Variants in FOXK1 observed in about 807,000 individuals in gnomAD.
FOXK1 encodes the protein forkhead box protein K1.
FOXK1 carries 19 observed loss-of-function variants against 51.9 expected under a neutral mutation model. That is an observed-to-expected ratio of 0.37 (90% CI 0.26 to 0.54). The LOEUF (loss-of-function observed/expected upper bound fraction) is 0.54, where lower values mean the gene tolerates loss of function less well. Ranked by LOEUF, FOXK1 falls within the 20% of genes least tolerant of loss-of-function variation. The pLI is 0.87. For synonymous variants in FOXK1, 537 were observed against 482.6 expected (o/e 1.11, Z -1.48); for missense variants, 870 against 1,032.7 (o/e 0.84, Z 2.16).
chr7:4,715,942 C>T lies in FOXK1; in HGVS notation c.561-24896C>T, dbSNP rs1046830425. Among the ~76,000 whole-genome samples the T allele has an allele frequency of 9.8e-5, 15 of 152,288 alleles. No homozygotes were observed. The highest frequency in any genetic ancestry group is 2.9e-4 in the African/African-American group (12 of 41,558). Reference sequence around the variant, plus strand: ...GTCTGTGCTTAAAGGATCAAAAATGCAGACCTCAGTCAGGCGCAGTGGTTC... The same window carrying T: ...GTCTGTGCTTAAAGGATCAAAAATGTAGACCTCAGTCAGGCGCAGTGGTTC... On this transcript the variant is annotated intron_variant, in intron 1 of 8. Coordinates refer to ENST00000328914, the MANE Select transcript of FOXK1 (RefSeq NM_001037165.2). The surrounding 1 kb of genome is among the most constrained non-coding windows in gnomAD (Gnocchi z 4.5).
At chr7:4,713,625 G>T (rs1286486672) in intron 1 of FOXK1, among the ~76,000 whole-genome samples, 2 of 151,446 alleles carry the variant, frequency 1.3e-5, no homozygotes, top group Non-Finnish European at 2.9e-5. Context: ...CCGAGTTGCT[G>T]GGATTACAAG....
chr7:4,687,805 TTGAG>T (rs1779840417), intron 1 of FOXK1, among the ~76,000 whole-genome samples: 1 of 152,230 alleles, frequency 6.6e-6, no homozygotes, highest in Non-Finnish European at 1.5e-5. Context: ...TGTGGTAACT[TTGAG>T]TGGTAAGATT....
intron 1 of FOXK1, among the ~76,000 whole-genome samples, chr7:4,717,847 G>A (rs546349504): frequency 3.9e-5 from 6 of 152,270 alleles, no homozygotes; most frequent in South Asian, 2.1e-4. Context: ...ACCGACCACC[G>A]CCGTGTGTTG....
At position 4,755,229 on chromosome 7, in the gene FOXK1, C is replaced by T. The variant is rs1371071628; in HGVS notation, c.904-8C>T. The T allele has an allele frequency of 6.2e-7, 1 of 1,613,268 alleles. No individual in the cohort carries two copies. ...GGAGCTCATCCCGTGAGCCGTGTTT[C>T]TCCGCAGGATGAGTCAAAGCCGCCG... On this transcript the variant is annotated splice_region_variant and splice_polypyrimidine_tract_variant and intron_variant, in intron 3 of 8. Coordinates refer to ENST00000328914, the MANE Select transcript of FOXK1 (RefSeq NM_001037165.2). This position sits in a 1 kb window ranked among gnomAD's most constrained non-coding sequence, Gnocchi z 6.6.
Position 4,743,823 on chromosome 7 carries a change from G to A in FOXK1, c.746+2800G>A, listed in dbSNP as rs183341196. ...GAGGAAGGGCTAGGCCAGCGCCCCC[G>A]CCTTAGCCTGGGAGTGGGTTATTAA... On this transcript the variant is annotated intron_variant, in intron 2 of 8. Transcript: ENST00000328914. This position sits in a 1 kb window ranked among gnomAD's most constrained non-coding sequence, Gnocchi z 5.3. Among the ~76,000 whole-genome samples, 480 of 152,178 alleles carry A rather than the reference G, an allele frequency of 3.2e-3. 2 individuals are homozygous for A. The highest frequency in any genetic ancestry group is 0.011 in the African/African-American group (461 of 41,502).
chr7:4,683,328 G>A lies in FOXK1; in HGVS notation c.560+460G>A, dbSNP rs913350227. Among the ~76,000 whole-genome samples the A allele has an allele frequency of 2.6e-5, 4 of 151,802 alleles. No homozygotes were observed. Among genetic ancestry groups the A allele is most frequent in the Admixed American group, 2.0e-4 (3 of 15,234 alleles). ...CCAGCTCCCATCGGCCTGGACTCCG[G>A]GGTCATTCTGAACTCCCACTGGCCT... On this transcript the variant is annotated intron_variant, in intron 1 of 8. Transcript: ENST00000328914. The surrounding 1 kb of genome is among the most constrained non-coding windows in gnomAD (Gnocchi z 4.5).
rs1398235432 is a variant in FOXK1 at position 4,695,924 on chromosome 7, G to A, written c.560+13056G>A. 2.0e-4 allele frequency among the ~76,000 whole-genome samples: 27 copies of A among 135,632 alleles called. 1 individual carries two copies. The South Asian group carries it at 5.5e-3, about 28-fold the overall frequency. The allele number at this position is 135,632 out of a possible 152,430, so 89.0% of individuals were successfully genotyped here. A position where few individuals can be genotyped will look rare whatever the true frequency, so the allele number is the denominator to read the frequency against. On this transcript the variant is annotated intron_variant, in intron 1 of 8. Coordinates refer to ENST00000328914, the MANE Select transcript of FOXK1 (RefSeq NM_001037165.2). ...GCACTCCAGTCTGGGCAACAAGAGC[G>A]AAACTCCGTCTCAAAAAAAAAAAAA... is the stretch of plus-strand genomic sequence containing the variant.
Position 4,748,101 on chromosome 7 carries a change from ATTTG to A in FOXK1, c.747-6354_747-6351del, listed in dbSNP as rs536059409. On this transcript the variant is annotated intron_variant, in intron 2 of 8. Transcript: ENST00000328914. The surrounding 1 kb of genome is among the most constrained non-coding windows in gnomAD (Gnocchi z 4.9). ...TCGCCTCTGAAAATTTTCTTTCCCT[ATTTG>A]TTTATTTTTCCTTTTTCAGATTACG... Among the ~76,000 whole-genome samples the A allele has an allele frequency of 1.6e-4, 25 of 152,142 alleles. No individual in the cohort carries two copies. In the South Asian group the frequency reaches 3.3e-3, roughly 20 times the overall value.
chr7:4,737,743 T>C (rs1316131705), intron 1 of FOXK1, among the ~76,000 whole-genome samples: 1 of 152,156 alleles, frequency 6.6e-6, no homozygotes, highest in East Asian at 1.9e-4. Flanking sequence ...GACACCAGCT[T>C]GGGTGGATGT....
chr7:4,716,117 A>C (rs1780229663), intron 1 of FOXK1, among the ~76,000 whole-genome samples: 1 of 152,094 alleles, frequency 6.6e-6, no homozygotes, highest in East Asian at 1.9e-4. Flanking sequence ...GCTACCTGGG[A>C]GGCTGAGGCA....
chr7:4,689,180 G>C (rs1284121118), intron 1 of FOXK1, among the ~76,000 whole-genome samples: 1 of 152,004 alleles, frequency 6.6e-6, no homozygotes, highest in African/African-American at 2.4e-5. Context: ...GTTTCGCCGT[G>C]TTGCCCAGGC....
At chr7:4,716,953 G>T (rs567629499) in intron 1 of FOXK1, among the ~76,000 whole-genome samples, 2 of 151,910 alleles carry the variant, frequency 1.3e-5, no homozygotes, top group Admixed American at 6.6e-5. Flanking sequence ...GGTGGGAGGC[G>T]CATGGCTGGG....
In FOXK1 at chr7:4,704,064, C is replaced by T. The variant is rs571065709; in HGVS notation, c.560+21196C>T. 3.9e-5 allele frequency among the ~76,000 whole-genome samples: 6 copies of T among 152,290 alleles called. No homozygotes were observed. The South Asian group carries it at 1.2e-3, about 32-fold the overall frequency. ...TCCGATCAGTGTCTAACCCTGGTAG[C>T]GTCTGCCAGTAGCCACACCGAAAGG... On this transcript the variant is annotated intron_variant, in intron 1 of 8. Transcript: ENST00000328914.
rs1780749346 is a variant in FOXK1, at chr7:4,749,601, C to G, written c.747-4858C>G. Among the ~76,000 whole-genome samples, 1 of 152,190 alleles carries G rather than the reference C, an allele frequency of 6.6e-6. No homozygotes were observed. Among genetic ancestry groups the G allele is most frequent in the Non-Finnish European group, 1.5e-5 (1 of 68,018 alleles). On this transcript the variant is annotated intron_variant, in intron 2 of 8. Transcript: ENST00000328914. This position sits in a 1 kb window ranked among gnomAD's most constrained non-coding sequence, Gnocchi z 6.0. Reference sequence around the variant, plus strand: ...CCCCTCCAGGCGGGTCCCTCTGTGTCTCTAGGGCTTCAGGAGGGATCAGGT... The same window carrying G: ...CCCCTCCAGGCGGGTCCCTCTGTGTGTCTAGGGCTTCAGGAGGGATCAGGT...
At chr7:4,739,611 G>T (rs965075686) in intron 1 of FOXK1, among the ~76,000 whole-genome samples, 1 of 152,314 alleles carries the variant, frequency 6.6e-6, no homozygotes, top group Non-Finnish European at 1.5e-5. Context: ...GGCTGGCTTT[G>T]TTTGCACTTG....
chr7:4,766,359 G>T lies in FOXK1; in HGVS notation c.*3895G>T, dbSNP rs1781010653. 6.6e-6 allele frequency: 1 copy of T among 152,186 alleles called. No individual in the cohort carries two copies. The highest frequency in any genetic ancestry group is 1.5e-5 in the Non-Finnish European group (1 of 68,046). 9.4% of individuals were successfully genotyped at this position (152,186 alleles called of 1,614,324 possible). A position where few individuals can be genotyped will look rare whatever the true frequency, so the allele number is the denominator to read the frequency against. ...AGAGACCCTCAGGTCCCTATCCAGA[G>T]ACCCTCCAGGCAGTGCTGGGAAGAC... On this transcript the variant is annotated 3_prime_UTR_variant, in exon 9 of 9. Transcript: ENST00000328914. The surrounding 1 kb of genome is among the most constrained non-coding windows in gnomAD (Gnocchi z 5.5).
At chr7:4,744,908 T>C (rs1264579851) in intron 2 of FOXK1, among the ~76,000 whole-genome samples, 1 of 152,270 alleles carries the variant, frequency 6.6e-6, no homozygotes, top group East Asian at 1.9e-4. Flanking sequence ...CTTCCATTGT[T>C]ACAATAAAAG....
At position 4,758,680 on chromosome 7, in the gene FOXK1, AT is replaced by A. The variant is rs1780886984; in HGVS notation, c.1245-370del. ...AACACCCCTCTCGGGTAGAGTTTTC[AT>A]GGTGGAACGGTTGCGCCCACCAAAC... On this transcript the variant is annotated intron_variant, in intron 5 of 8. Coordinates refer to ENST00000328914, the MANE Select transcript of FOXK1 (RefSeq NM_001037165.2). This position sits in a 1 kb window ranked among gnomAD's most constrained non-coding sequence, Gnocchi z 4.4. 2 of 232,788 alleles carry A rather than the reference AT, an allele frequency of 8.6e-6. No individual in the cohort carries two copies. Among genetic ancestry groups the A allele is most frequent in the Non-Finnish European group, 1.7e-5 (2 of 120,446 alleles). The allele number at this position is 232,788 out of a possible 1,614,324, so 14.4% of individuals were successfully genotyped here. A position where few individuals can be genotyped will look rare whatever the true frequency, so the allele number is the denominator to read the frequency against.
At chr7:4,737,529 C>T (rs1354211799) in intron 1 of FOXK1, among the ~76,000 whole-genome samples, 1 of 145,254 alleles carries the variant, frequency 6.9e-6, no homozygotes, top group African/African-American at 2.6e-5. Context: ...TGCATGTGTG[C>T]ATTCATGCAC....
Sources: gnomAD v4.1 joint callset for allele counts (sites outside exome capture counted in the v4.1 genomes callset) on GRCh38, gnomAD v4.1.1 for gene constraint, Gnocchi (gnomAD v3.1) non-coding constraint, MANE v1.5 for transcripts, NCBI Gene and HGNC (gene_info 2026-07-23, HGNC 2026-07-21) for gene names.